The following CDH2 variants were observed in gnomAD, a reference collection of about 807,000 sequenced individuals.
CDH2 encodes the protein cadherin-2.
In CDH2, 17 loss-of-function variants were observed where a neutral mutation model predicts 92.0. The observed-to-expected ratio is 0.18, with a 90% CI of 0.13 to 0.28. CDH2 has a LOEUF of 0.28. Among genes scored for constraint, CDH2 ranks in the 10% least tolerant of loss-of-function variants. The pLI is 1.00. For synonymous variants in CDH2, 419 were observed against 415.9 expected (o/e 1.01, Z -0.09); for missense variants, 862 against 1,133.1 (o/e 0.76, Z 3.44).
intron 3 of CDH2, among the ~76,000 whole-genome samples, chr18:28,012,626 C>T (rs2013133720): frequency 6.6e-6 from 1 of 152,142 alleles, no homozygotes; most frequent in Non-Finnish European, 1.5e-5. Flanking sequence ...TGCTTCAGTG[C>T]AAATATCCAA....
rs1359472477 is a variant in CDH2 at position 28,053,534 on chromosome 18, GAGTTTTGGTT to G, written c.173-39635_173-39626del. Among the ~76,000 whole-genome samples, 5 of 152,178 alleles carry G rather than the reference GAGTTTTGGTT, an allele frequency of 3.3e-5. No individual in the cohort carries two copies. In the East Asian group the frequency reaches 9.7e-4, roughly 29 times the overall value. ...GAGTACACTCATGTAACAACTCGCT[GAGTTTTGGTT>G]AGTTACAGCAGCTGAGCTTTAGCTA... On this transcript the variant is annotated intron_variant, in intron 2 of 15. Coordinates refer to ENST00000269141, the MANE Select transcript of CDH2 (RefSeq NM_001792.5).
At chr18:28,069,583 G>A (rs936632684) in intron 2 of CDH2, among the ~76,000 whole-genome samples, 3 of 152,016 alleles carry the variant, frequency 2.0e-5, no homozygotes, top group Non-Finnish European at 2.9e-5. Flanking sequence ...TCCTCCCTCA[G>A]ATCTTAAAAA....
intron 1 of CDH2, among the ~76,000 whole-genome samples, chr18:28,153,320 C>T (rs913265159): frequency 6.6e-6 from 1 of 152,214 alleles, no homozygotes; most frequent in Middle Eastern, 3.4e-3. Context: ...ATCTTTGCTG[C>T]TGATTTTGGG....
chr18:27,959,545 T>G (rs2011342660), intron 15 of CDH2: 1 of 152,210 alleles, frequency 6.6e-6, no homozygotes, highest in African/African-American at 2.4e-5. Context: ...ACTCTACAAG[T>G]AAGTATTCAT....
chr18:28,135,778 G>C (rs1034107397), intron 2 of CDH2, among the ~76,000 whole-genome samples: 1 of 152,162 alleles, frequency 6.6e-6, no homozygotes, highest in African/African-American at 2.4e-5. Context: ...ATATTCATCT[G>C]TGTTGAGATT....
chr18:28,047,084 ATCT>A (rs2014091434), intron 2 of CDH2, among the ~76,000 whole-genome samples: 1 of 152,180 alleles, frequency 6.6e-6, no homozygotes, highest in Non-Finnish European at 1.5e-5. Flanking sequence ...TACACTTCAG[ATCT>A]TCTACAGCTT....
intron 2 of CDH2, among the ~76,000 whole-genome samples, chr18:28,089,612 A>G (rs1277591664): frequency 6.6e-6 from 1 of 152,202 alleles, no homozygotes; most frequent in Non-Finnish European, 1.5e-5. Context: ...AGCAATTTCA[A>G]TTGCAATTTT....
intron 14 of CDH2, among the ~76,000 whole-genome samples, chr18:27,975,718 C>T (rs972868610): frequency 3.3e-5 from 5 of 152,174 alleles, no homozygotes; most frequent in African/African-American, 9.7e-5. Context: ...GCAAGAGGTC[C>T]GTGTGACAGC....
chr18:28,013,850 C>T lies in CDH2; in HGVS notation c.232G>A (p.Asp78Asn), dbSNP rs763887861. The T allele has an allele frequency of 6.2e-7, 1 of 1,613,994 alleles. No individual in the cohort carries two copies. Among genetic ancestry groups the T allele is most frequent in the East Asian group, 2.2e-5 (1 of 44,872 alleles). ...KVQYESSEPA[D>N]FKVDEDGMVY... ...ATGCCATCTTCATCCACCTTAAAAT[C>T]TGCAGGCTCACTGCTCTCATATTGT... The change falls in exon 3 of 16, where the codon GAT (aspartate) becomes AAT (asparagine). Residue 78 changes from aspartate to asparagine, a missense_variant. Physicochemically the swap from Asp to Asn is conservative, Grantham distance 23. Around this residue, in one of 5 missense-constraint regions of CDH2, gnomAD observed 159 missense variants for 177.2 expected, o/e 0.90. Coordinates refer to ENST00000269141, the MANE Select transcript of CDH2 (RefSeq NM_001792.5).
chr18:27,957,140 A>ATCCATCCATCCATCCG (rs2011270108), intron 15 of CDH2, among the ~76,000 whole-genome samples: 1 of 151,240 alleles, frequency 6.6e-6, no homozygotes, highest in Non-Finnish European at 1.5e-5. Context: ...CATCCCATCC[A>ATCCATCCATCCATCCG]TCCATCCATC....
rs6146242 is a variant in CDH2, at chr18:27,957,133, C to CCCATCCAT, written c.2515-4782_2515-4775dup. 2.2e-3 allele frequency among the ~76,000 whole-genome samples: 330 copies of CCCATCCAT among 151,462 alleles called. 3 individuals are homozygous for CCCATCCAT. The highest frequency in any genetic ancestry group is 8.2e-3 in the East Asian group (42 of 5,122). The stretch of plus-strand genomic sequence containing the variant: ...TTTTATCTGATTAATATCCATCCAT[C>CCCATCCAT]CCATCCATCCATCCATCCAAAAGCT... On this transcript the variant is annotated intron_variant, in intron 15 of 15. Coordinates refer to ENST00000269141, the MANE Select transcript of CDH2 (RefSeq NM_001792.5).
At chr18:28,128,341 G>A (rs1007473898) in intron 2 of CDH2, among the ~76,000 whole-genome samples, 8 of 152,046 alleles carry the variant, frequency 5.3e-5, no homozygotes, top group African/African-American at 1.7e-4. Flanking sequence ...TATTGTCTGT[G>A]CACCTAAAAT....
intron 2 of CDH2, among the ~76,000 whole-genome samples, chr18:28,033,453 G>T (rs892550594): frequency 6.6e-6 from 1 of 151,976 alleles, no homozygotes; most frequent in Admixed American, 6.6e-5. Context: ...TGATGCACAC[G>T]AATTGGTTCA....
intron 6 of CDH2, among the ~76,000 whole-genome samples, 175 bp from the exon 7 acceptor site, chr18:28,003,344 A>T (rs2012825355): frequency 6.6e-6 from 1 of 152,246 alleles, no homozygotes; most frequent in African/African-American, 2.4e-5. Context: ...ATTTCAAAAA[A>T]GATAAAACCT....
chr18:27,955,807 TAGAG>T (rs1370466159), intron 15 of CDH2, among the ~76,000 whole-genome samples: 1 of 140,380 alleles, frequency 7.1e-6, no homozygotes, highest in Non-Finnish European at 1.5e-5. Context: ...TAAAATCCAT[TAGAG>T]AGAGACCACT....
intron 14 of CDH2, among the ~76,000 whole-genome samples, chr18:27,972,584 C>T (rs1420030977): frequency 6.6e-6 from 1 of 152,148 alleles, no homozygotes; most frequent in Non-Finnish European, 1.5e-5. Context: ...TGAATGCTAT[C>T]ATCATTTCCT....
Position 28,053,948 on chromosome 18 carries a change from G to A in CDH2, c.173-40039C>T, listed in dbSNP as rs939915857. On this transcript the variant is annotated intron_variant, in intron 2 of 15. Transcript: ENST00000269141. ...GGTTGGACTCTGCTCTTTTTGCATCGAGCCCCTAACCTTTTAGGTTTCTGA... is the reference window on the plus strand; with the variant it reads ...GGTTGGACTCTGCTCTTTTTGCATCAAGCCCCTAACCTTTTAGGTTTCTGA... Among the ~76,000 whole-genome samples, 10 of 151,840 alleles carry A rather than the reference G, an allele frequency of 6.6e-5. 1 individual carries two copies. In the South Asian group the frequency reaches 1.5e-3, roughly 22 times the overall value.
At chr18:27,982,579 T>C (rs2012089777) in intron 14 of CDH2, among the ~76,000 whole-genome samples, 1 of 152,216 alleles carries the variant, frequency 6.6e-6, no homozygotes. Flanking sequence ...TAAATAGTCT[T>C]AGTGGTTTTT....
chr18:28,029,199 T>C (rs2013631632), intron 2 of CDH2, among the ~76,000 whole-genome samples: 1 of 152,042 alleles, frequency 6.6e-6, no homozygotes, highest in East Asian at 1.9e-4. Context: ...AGGTCTAACA[T>C]ACAGAGCCAC....
Sources: allele counts gnomAD v4.1 joint callset (sites outside exome capture counted in the v4.1 genomes callset), GRCh38; gene constraint gnomAD v4.1.1; regional missense constraint gnomAD v4.1.1; transcripts MANE v1.5; gene names NCBI Gene and HGNC (gene_info 2026-07-23, HGNC 2026-07-21).